The following MYO16 variants were observed in gnomAD, a reference collection of about 807,000 sequenced individuals.
The protein encoded by MYO16 is unconventional myosin-XVI.
In MYO16, 94 loss-of-function variants were observed where a neutral mutation model predicts 205.3. The ratio of observed to expected loss-of-function variants is 0.46; its 90% CI spans 0.39 to 0.54. The LOEUF (loss-of-function observed/expected upper bound fraction) is 0.54, where lower values mean the gene tolerates loss of function less well. Among genes scored for constraint, MYO16 ranks in the 20% least tolerant of loss-of-function variants. The pLI, the probability that MYO16 is intolerant of heterozygous loss-of-function variation, is 0.00. For missense variants in MYO16, 2,315 were observed against 2,387.5 expected (o/e 0.97, Z 0.63); for synonymous variants, 988 against 954.0 (o/e 1.04, Z -0.66).
intron 16 of MYO16, among the ~76,000 whole-genome samples, chr13:108,942,207 A>T (rs1882760179): frequency 6.6e-6 from 1 of 152,198 alleles, no homozygotes; most frequent in South Asian, 2.1e-4. Context: ...ATTGTTTCCA[A>T]CAGCAATCCT....
At chr13:108,569,731 C>T in the MYO16 span, among the ~76,000 whole-genome samples, 403 of 152,062 alleles carry the variant, frequency 2.7e-3, 2 homozygotes, top group South Asian at 0.019. Context: ...CTGATTTTAA[C>T]GATAATATTT....
intron 1 of MYO16, among the ~76,000 whole-genome samples, chr13:108,646,927 C>A (rs1342436248): frequency 6.6e-6 from 1 of 151,982 alleles, no homozygotes; most frequent in East Asian, 1.9e-4. Context: ...ATTCCAGTTG[C>A]TTGATGGACA....
chr13:108,638,693 C>T (rs546540189), intron 1 of MYO16, among the ~76,000 whole-genome samples: 1 of 152,282 alleles, frequency 6.6e-6, no homozygotes, highest in East Asian at 1.9e-4. Context: ...GCCAGACATT[C>T]TGCTATGCAC....
intron 28 of MYO16, among the ~76,000 whole-genome samples, chr13:109,105,235 C>T (rs1889088540): frequency 6.6e-6 from 1 of 152,240 alleles, no homozygotes; most frequent in Admixed American, 6.5e-5. Flanking sequence ...CTTTGAGAGG[C>T]TGAGGCGAGT....
the MYO16 span, among the ~76,000 whole-genome samples, chr13:108,510,088 T>C: frequency 1.3e-5 from 2 of 152,158 alleles, no homozygotes; most frequent in Non-Finnish European, 2.9e-5. Context: ...ATAGTCATGA[T>C]AGTTAATTTT....
chr13:109,094,588 C>G (rs1354238325), intron 27 of MYO16, among the ~76,000 whole-genome samples: 2 of 152,146 alleles, frequency 1.3e-5, no homozygotes, highest in African/African-American at 4.8e-5. Context: ...AGGTTTGTTA[C>G]GTAGGTATAC....
chr13:108,849,340 G>A (rs976658014), intron 10 of MYO16, among the ~76,000 whole-genome samples: 6 of 151,872 alleles, frequency 4.0e-5, no homozygotes, highest in South Asian at 2.1e-4. Flanking sequence ...ATAGGTGCCT[G>A]CCACCACGCC....
At chr13:109,106,492 A>G (rs576427746) in intron 28 of MYO16, among the ~76,000 whole-genome samples, 27 of 152,346 alleles carry the variant, frequency 1.8e-4, no homozygotes, top group African/African-American at 6.0e-4. Context: ...TATATCATTT[A>G]TGTAAAATGA....
At chr13:108,527,715 A>G in the MYO16 span, among the ~76,000 whole-genome samples, 3 of 152,238 alleles carry the variant, frequency 2.0e-5, no homozygotes, top group East Asian at 1.9e-4. Context: ...TTTGAAAATA[A>G]CAGGTTAGTT....
At chr13:109,020,647 A>C (rs1170876918) in intron 23 of MYO16, among the ~76,000 whole-genome samples, 1 of 152,276 alleles carries the variant, frequency 6.6e-6, no homozygotes, top group East Asian at 1.9e-4. Context: ...TTCAGTATTA[A>C]ATCCATGTTT....
the MYO16 span, among the ~76,000 whole-genome samples, chr13:108,541,994 A>G: frequency 2.0e-5 from 3 of 152,218 alleles, no homozygotes; most frequent in Non-Finnish European, 2.9e-5. Context: ...TCATCTTATT[A>G]TAAACACACA....
chr13:108,921,775 C>T (rs183993602), intron 16 of MYO16, among the ~76,000 whole-genome samples: 7 of 152,332 alleles, frequency 4.6e-5, no homozygotes, highest in Non-Finnish European at 1.0e-4. Flanking sequence ...ACAGAGTTTA[C>T]TTAATCCAGG....
At chr13:108,519,922 A>G in the MYO16 span, among the ~76,000 whole-genome samples, 1 of 152,192 alleles carries the variant, frequency 6.6e-6, no homozygotes, top group Non-Finnish European at 1.5e-5. Context: ...TCGTGTTTTA[A>G]ATAAAAAATT....
At chr13:108,617,046 C>T (rs1879374345) in intron 1 of MYO16, among the ~76,000 whole-genome samples, 2 of 152,154 alleles carry the variant, frequency 1.3e-5, no homozygotes, top group African/African-American at 4.8e-5. Flanking sequence ...TCCTTAACTC[C>T]AGACTCCAGC....
At chr13:108,816,975 A>T (rs1186014123) in intron 7 of MYO16, among the ~76,000 whole-genome samples, 1 of 152,224 alleles carries the variant, frequency 6.6e-6, no homozygotes, top group Non-Finnish European at 1.5e-5. Context: ...GTTCAATGTC[A>T]CTAGTCATCA....
At chr13:109,092,856 A>G (rs999377866) in intron 27 of MYO16, among the ~76,000 whole-genome samples, 8 of 152,246 alleles carry the variant, frequency 5.3e-5, no homozygotes, top group Non-Finnish European at 1.0e-4. Context: ...TTTTGAAGAG[A>G]GAACACTATT....
At chr13:109,053,054 G>T (rs557989532) in intron 25 of MYO16, among the ~76,000 whole-genome samples, 1 of 152,116 alleles carries the variant, frequency 6.6e-6, no homozygotes, top group African/African-American at 2.4e-5. Context: ...GTGAAGAGTT[G>T]TTTCAAACTG....
At position 109,207,253 on chromosome 13, in the gene MYO16, C is replaced by T. The variant is rs142776357; in HGVS notation, c.*417C>T. 5.1e-3 allele frequency: 803 copies of T among 156,200 alleles called. 6 individuals carry two copies. The highest frequency in any genetic ancestry group is 0.016 in the African/African-American group (685 of 41,610). The allele number at this position is 156,200 out of a possible 1,614,324, so 9.7% of individuals were successfully genotyped here. ...AATGGTTTTATTATAATACAGTATA[C>T]GGGACATATATTTTATTTCTTTGTA... On this transcript the variant is annotated 3_prime_UTR_variant, in exon 35 of 35. Transcript: ENST00000457511.
intron 7 of MYO16, among the ~76,000 whole-genome samples, chr13:108,811,158 C>T (rs1887279399): frequency 6.6e-6 from 1 of 152,034 alleles, no homozygotes; most frequent in Non-Finnish European, 1.5e-5. Context: ...TTTTGTTTCC[C>T]AAAGTATTTT....
Sources: allele counts gnomAD v4.1 joint callset (sites outside exome capture counted in the v4.1 genomes callset), GRCh38; gene constraint gnomAD v4.1.1; transcripts MANE v1.5; gene names NCBI Gene and HGNC (gene_info 2026-07-23, HGNC 2026-07-21).